The following HAT1 variants were observed in gnomAD, a reference collection of about 807,000 sequenced individuals.
HAT1 encodes histone acetyltransferase type B catalytic subunit.
HAT1 carries 20 observed loss-of-function variants against 56.6 expected under a neutral mutation model. The ratio of observed to expected loss-of-function variants is 0.35; its 90% confidence interval spans 0.25 to 0.51. HAT1 has a LOEUF of 0.51. Ranked by LOEUF, HAT1 falls within the 20% of genes least tolerant of loss-of-function variation. HAT1 has a pLI of 0.95. For synonymous variants in HAT1, 146 were observed against 165.5 expected, an observed-to-expected ratio of 0.88 and a Z score of 0.91; for missense variants, 408 against 504.3, an observed-to-expected ratio of 0.81 and a Z score of 1.83.
At chr2:171,976,372 T>A in intron 9 of HAT1, 64 bp downstream of exon 9, 1 of 850,370 alleles carries the variant, frequency 1.2e-6, no homozygotes, top group Non-Finnish European at 1.7e-6. Flanking sequence ...AGTGTATACC[T>A]TAACTAAAAT....
Position 171,953,036 on chromosome 2 carries a change from A to C in HAT1, c.309+35A>C, listed in dbSNP as rs778965054. On this transcript the variant is annotated intron_variant, in intron 4 of 10. Transcript: ENST00000264108. Reference sequence around the variant, plus strand: ...GAAATACTTTTTAAACTGTTTTCCAATTTAATTTATTTTAAAATAGGTTTT... The same window carrying C: ...GAAATACTTTTTAAACTGTTTTCCACTTTAATTTATTTTAAAATAGGTTTT... 2.7e-6 allele frequency: 4 copies of C among 1,476,516 alleles called. No homozygotes were observed. In the Admixed American group the frequency reaches 7.7e-5, roughly 29 times the overall value. 91.5% of individuals were successfully genotyped at this position (1,476,516 alleles called of 1,614,324 possible). A position where few individuals can be genotyped will look rare whatever the true frequency, so the allele number is the denominator to read the frequency against.
At chr2:171,971,232 A>C (rs899242210) in intron 8 of HAT1, among the ~76,000 whole-genome samples, 2 of 152,188 alleles carry the variant, frequency 1.3e-5, no homozygotes, top group Admixed American at 1.3e-4. Context: ...TTTACAAGAG[A>C]TACTTGCTTA....
At chr2:171,981,902 TTAA>T (rs1411415365) in intron 10 of HAT1, among the ~76,000 whole-genome samples, 1 of 152,192 alleles carries the variant, frequency 6.6e-6, no homozygotes, top group African/African-American at 2.4e-5. Flanking sequence ...AGAAAATGTC[TTAA>T]TGATGAAATT....
At chr2:171,958,276 A>T (rs143875531) in intron 4 of HAT1, among the ~76,000 whole-genome samples, 111 of 151,674 alleles carry the variant, frequency 7.3e-4, no homozygotes, top group Middle Eastern at 3.4e-3. Flanking sequence ...AATATTTATG[A>T]CCTGTTCTAA....
intron 3 of HAT1, 46 bp downstream of exon 3, chr2:171,946,829 A>AT (rs1687178397): frequency 1.2e-6 from 1 of 845,570 alleles, no homozygotes; most frequent in Non-Finnish European, 1.9e-6. Context: ...TGGAAAAAAA[A>AT]ATTTTCATTC....
rs572884993 is a variant in HAT1 at position 171,927,008 on chromosome 2, A to C, written c.112+1367A>C. ...TCTGATACCTATTGCAGTAAACCTT[A>C]AAAAGATTGTGCTAAGTGAAAGAAA... is the stretch of plus-strand genomic sequence containing the variant. On this transcript the variant is annotated intron_variant, in intron 2 of 10. Transcript: ENST00000264108. Among the ~76,000 whole-genome samples the C allele has an allele frequency of 2.0e-5, 3 of 152,382 alleles. No individual in the cohort carries two copies. In the East Asian group the frequency reaches 5.8e-4, roughly 29 times the overall value.
At chr2:171,954,028 T>G (rs895326894) in intron 4 of HAT1, among the ~76,000 whole-genome samples, 2 of 152,146 alleles carry the variant, frequency 1.3e-5, no homozygotes, top group African/African-American at 4.8e-5. Context: ...AATCATATAC[T>G]CAGTCTTTAG....
intron 2 of HAT1, among the ~76,000 whole-genome samples, chr2:171,927,792 G>A (rs1359261182): frequency 6.6e-6 from 1 of 151,944 alleles, no homozygotes; most frequent in Non-Finnish European, 1.5e-5. Flanking sequence ...GTTTCGCCAT[G>A]TTGGTCAGTC....
chr2:171,927,692 A>G (rs1432458796), intron 2 of HAT1, among the ~76,000 whole-genome samples: 4 of 152,058 alleles, frequency 2.6e-5, no homozygotes, highest in Admixed American at 6.6e-5. Flanking sequence ...GATTCAAGTA[A>G]TTCTTGTGCC....
intron 1 of HAT1, chr2:171,923,327 T>A (rs1271165224): frequency 6.6e-6 from 1 of 152,188 alleles, no homozygotes. Context: ...AGTGCAGCGA[T>A]CATAGTTCCG....
intron 2 of HAT1, among the ~76,000 whole-genome samples, chr2:171,931,680 G>GA (rs1008727854): frequency 1.3e-5 from 2 of 152,062 alleles, no homozygotes; most frequent in East Asian, 1.9e-4. Context: ...TCTCGGGGGG[G>GA]AAAAACAGCC....
At chr2:171,973,823 CTAGA>C (rs1687880293) in intron 8 of HAT1, among the ~76,000 whole-genome samples, 1 of 152,134 alleles carries the variant, frequency 6.6e-6, no homozygotes, top group African/African-American at 2.4e-5. Flanking sequence ...ATCCCTGGTG[CTAGA>C]TATTTTTGGC....
At chr2:171,938,351 A>G (rs972311101) in intron 2 of HAT1, among the ~76,000 whole-genome samples, 1 of 152,058 alleles carries the variant, frequency 6.6e-6, no homozygotes, top group Admixed American at 6.6e-5. Flanking sequence ...GTGGAAGACA[A>G]TTTTTCTTCA....
At chr2:171,971,144 G>A (rs991847149) in intron 8 of HAT1, among the ~76,000 whole-genome samples, 1 of 152,178 alleles carries the variant, frequency 6.6e-6, no homozygotes, top group African/African-American at 2.4e-5. Context: ...GCTTGAGTGA[G>A]CCAAGATCGC....
chr2:171,967,460 A>C (rs1687709389), intron 8 of HAT1, among the ~76,000 whole-genome samples: 1 of 152,128 alleles, frequency 6.6e-6, no homozygotes, highest in South Asian at 2.1e-4. Flanking sequence ...TGTTTTGGAA[A>C]TGTCTTTCAG....
intron 10 of HAT1, among the ~76,000 whole-genome samples, chr2:171,982,081 A>T (rs1487519088): frequency 6.6e-6 from 1 of 152,212 alleles, no homozygotes; most frequent in African/African-American, 2.4e-5. Flanking sequence ...CACACAGCTA[A>T]TGCCAAATAA....
At chr2:171,979,642 T>C (rs953545036) in intron 10 of HAT1, 1 of 238,834 alleles carries the variant, frequency 4.2e-6, no homozygotes, top group Non-Finnish European at 8.2e-6. Flanking sequence ...ACCCTGTCTC[T>C]ACTAAAAATA....
At chr2:171,978,059 C>CT (rs35822665) in intron 9 of HAT1, among the ~76,000 whole-genome samples, 37,583 of 136,978 alleles carry the variant, frequency 0.27, 5,463 homozygotes, top group Non-Finnish European at 0.32. Context: ...TTTCCTTTTC[C>CT]TTTTTTTTTT....
At position 171,955,125 on chromosome 2, in the gene HAT1, GTGGTAATTTA is replaced by G. The variant is rs571816845; in HGVS notation, c.309+2126_309+2135del. 2.6e-3 allele frequency among the ~76,000 whole-genome samples: 401 copies of G among 152,318 alleles called. 1 individual carries two copies. Among genetic ancestry groups the G allele is most frequent in the South Asian group, 8.3e-3 (40 of 4,828 alleles). On this transcript the variant is annotated intron_variant, in intron 4 of 10. Transcript: ENST00000264108. The stretch of plus-strand genomic sequence containing the variant: ...AATATTGTTTTAAGCCACCAAGTTT[GTGGTAATTTA>G]TTATAGCAGCCACAGGAAACGAATA...
Sources: allele counts gnomAD v4.1 joint callset (sites outside exome capture counted in the v4.1 genomes callset), GRCh38; gene constraint gnomAD v4.1.1; transcripts MANE v1.5; gene names NCBI Gene and HGNC (gene_info 2026-07-23, HGNC 2026-07-21).